The following PTPRG variants were observed in gnomAD, a reference collection of about 807,000 sequenced individuals.
PTPRG encodes the protein receptor-type tyrosine-protein phosphatase gamma.
PTPRG carries 102 observed loss-of-function variants against 165.3 expected under a neutral mutation model. The observed-to-expected ratio is 0.62, with a 90% confidence interval of 0.53 to 0.73. The LOEUF is 0.73. PTPRG is among the 30% of genes least tolerant of loss of function. The probability of loss-of-function intolerance (pLI) is 0.00; values close to 1 mark genes in which losing one functional copy is unlikely to be tolerated. For missense variants in PTPRG, 1,866 were observed against 1,861.4 expected, an observed-to-expected ratio of 1.00 and a Z score of -0.05; for synonymous variants, 675 against 669.5, an observed-to-expected ratio of 1.01 and a Z score of -0.13.
At chr3:61,926,197 G>A (rs1265085783) in intron 2 of PTPRG, among the ~76,000 whole-genome samples, 1 of 152,102 alleles carries the variant, frequency 6.6e-6, no homozygotes, top group Admixed American at 6.5e-5. Context: ...TAGCTGATAT[G>A]GTTCGGATCT....
chr3:61,597,403 C>T (rs13326767), intron 1 of PTPRG, among the ~76,000 whole-genome samples: 42,438 of 151,992 alleles, frequency 0.28, 6,378 homozygotes, highest in African/African-American at 0.39. Flanking sequence ...CTGCTGTTGA[C>T]TGAATTCAAG....
At chr3:61,643,763 C>CAA (rs11348108) in intron 1 of PTPRG, among the ~76,000 whole-genome samples, 16 of 140,474 alleles carry the variant, frequency 1.1e-4, no homozygotes, top group East Asian at 2.1e-4. Context: ...GACTCTGTCT[C>CAA]AAAAAAAAAA....
intron 5 of PTPRG, among the ~76,000 whole-genome samples, chr3:62,093,757 G>C (rs1702020664): frequency 6.6e-6 from 1 of 152,214 alleles, no homozygotes; most frequent in Admixed American, 6.5e-5. Flanking sequence ...TGCCTGGGAA[G>C]ATAGCTCCAG....
chr3:61,694,906 CAT>C (rs1229451018), intron 1 of PTPRG, among the ~76,000 whole-genome samples: 2 of 152,234 alleles, frequency 1.3e-5, no homozygotes, highest in Admixed American at 1.3e-4. Context: ...TTCACTCACA[CAT>C]ACTGTCTTTG....
chr3:61,782,604 A>G (rs1224380040), intron 2 of PTPRG, among the ~76,000 whole-genome samples: 1 of 152,236 alleles, frequency 6.6e-6, no homozygotes, highest in Non-Finnish European at 1.5e-5. Context: ...TTTTAAGGAC[A>G]AGAGTAATTG....
At chr3:62,120,969 AC>A (rs1703045493) in intron 5 of PTPRG, among the ~76,000 whole-genome samples, 1 of 151,326 alleles carries the variant, frequency 6.6e-6, no homozygotes, top group Admixed American at 6.6e-5. Context: ...TTTTCACAAG[AC>A]AGCCAGCTCT....
chr3:62,140,727 G>T (rs927858399), intron 6 of PTPRG, among the ~76,000 whole-genome samples: 3 of 151,870 alleles, frequency 2.0e-5, no homozygotes, highest in African/African-American at 7.3e-5. Context: ...TGCGCCTGTA[G>T]TCCCAGCTAC....
chr3:62,201,923 C>A, intron 11 of PTPRG, among the ~76,000 whole-genome samples: 1 of 152,168 alleles, frequency 6.6e-6, no homozygotes, highest in East Asian at 1.9e-4. Context: ...CTGAAAATTT[C>A]TGGAACCAGA....
At chr3:62,114,384 A>T (rs1000393832) in intron 5 of PTPRG, among the ~76,000 whole-genome samples, 3 of 152,270 alleles carry the variant, frequency 2.0e-5, no homozygotes, top group Non-Finnish European at 4.4e-5. Flanking sequence ...GCTGTTGTTC[A>T]TGTAATTCTC....
chr3:61,973,917 A>G (rs1293862151), intron 2 of PTPRG, among the ~76,000 whole-genome samples: 4 of 152,178 alleles, frequency 2.6e-5, no homozygotes, highest in African/African-American at 9.6e-5. Flanking sequence ...GTCCACCACA[A>G]AACTGTCAAA....
rs5849464 is a variant in PTPRG, at chr3:62,160,864, ATTTTTTTT to A, written c.840+3657_840+3664del. ...TACTTTGTTTACCTTTAGATGTGTG[ATTTTTTTT>A]TTTTTTTTTTTTTTTTCTGACAGTA... On this transcript the variant is annotated intron_variant, in intron 7 of 29. Transcript: ENST00000474889. Among the ~76,000 whole-genome samples, 867 of 103,990 alleles carry A rather than the reference ATTTTTTTT, an allele frequency of 8.3e-3. 15 individuals carry two copies. The highest frequency in any genetic ancestry group is 0.031 in the African/African-American group (810 of 26,504). The allele number at this position is 103,990 out of a possible 152,430, so 68.2% of individuals were successfully genotyped here.
At chr3:62,287,261 A>G (rs931443261) in intron 28 of PTPRG, among the ~76,000 whole-genome samples, 1 of 152,182 alleles carries the variant, frequency 6.6e-6, no homozygotes, top group Non-Finnish European at 1.5e-5. Context: ...AAACAAAATC[A>G]GTACAAATGA....
intron 1 of PTPRG, among the ~76,000 whole-genome samples, chr3:61,669,048 A>G (rs1242629479): frequency 6.6e-6 from 1 of 152,208 alleles, no homozygotes; most frequent in Non-Finnish European, 1.5e-5. Context: ...CCCTGGTAAA[A>G]CTAACACTGT....
intron 1 of PTPRG, among the ~76,000 whole-genome samples, chr3:61,587,957 C>T (rs1005316092): frequency 1.5e-4 from 7 of 46,126 alleles, no homozygotes; most frequent in Non-Finnish European, 2.0e-4. Flanking sequence ...CTGCAGCTGT[C>T]CCATTTTTTT....
At chr3:62,169,364 C>G (rs1038192100) in intron 8 of PTPRG, among the ~76,000 whole-genome samples, 1 of 152,114 alleles carries the variant, frequency 6.6e-6, no homozygotes, top group Non-Finnish European at 1.5e-5. Flanking sequence ...CCAGCCTCAC[C>G]CCTACTGGAA....
In PTPRG at chr3:61,628,815, G is replaced by T. The variant is rs143118630; in HGVS notation, c.85+66443G>T. 3.5e-4 allele frequency among the ~76,000 whole-genome samples: 54 copies of T among 152,258 alleles called. No homozygotes were observed. The East Asian group carries it at 8.7e-3, about 25-fold the overall frequency. ...ATTTATTCATCCACAAATCCTGCAA[G>T]ATAAGAATCACCCCTATTTTGCAAG... is the stretch of plus-strand genomic sequence containing the variant. On this transcript the variant is annotated intron_variant, in intron 1 of 29. Transcript: ENST00000474889.
At chr3:61,907,153 T>A (rs1447663755) in intron 2 of PTPRG, among the ~76,000 whole-genome samples, 5 of 152,050 alleles carry the variant, frequency 3.3e-5, no homozygotes, top group Non-Finnish European at 7.4e-5. Context: ...CCTTTTTTTT[T>A]TATATAAATG....
Position 61,627,994 on chromosome 3 carries a change from A to G in PTPRG, c.85+65622A>G, listed in dbSNP as rs570727432. 3.3e-5 allele frequency among the ~76,000 whole-genome samples: 5 copies of G among 152,318 alleles called. No individual in the cohort carries two copies. In the East Asian group the frequency reaches 7.7e-4, roughly 24 times the overall value. ...CACTGGCTGACATGGAGGAGTGCCA[A>G]CATTTTTGGGTCATACTTTAGAACT... On this transcript the variant is annotated intron_variant, in intron 1 of 29. Transcript: ENST00000474889.
At chr3:62,207,826 A>C (rs531942696) in intron 12 of PTPRG, among the ~76,000 whole-genome samples, 6 of 152,296 alleles carry the variant, frequency 3.9e-5, no homozygotes, top group African/African-American at 1.4e-4. Flanking sequence ...AAACCAGTTA[A>C]TACTAATGAG....
Sources: gnomAD v4.1 joint callset for allele counts (sites outside exome capture counted in the v4.1 genomes callset) on GRCh38, gnomAD v4.1.1 for gene constraint, MANE v1.5 for transcripts, NCBI Gene and HGNC (gene_info 2026-07-23, HGNC 2026-07-21) for gene names.